COL15A1: variants seen among roughly 807,000 people sequenced by gnomAD.
The protein encoded by COL15A1 is collagen type XV alpha 1 chain, also known as collagen alpha-1(XV) chain.
Under a neutral mutation model 165.9 loss-of-function variants are expected in COL15A1, and 111 were observed. The observed-to-expected ratio is 0.67, with a 90% confidence interval of 0.57 to 0.78. COL15A1 has a LOEUF of 0.78. Among genes scored for constraint, COL15A1 ranks in the 30% least tolerant of loss-of-function variants. COL15A1 has a pLI of 0.00. For missense variants in COL15A1, 1,745 were observed against 1,789.7 expected (o/e 0.98, Z 0.45); for synonymous variants, 659 against 674.8 (o/e 0.98, Z 0.36).
chr9:99,008,485 A>T (rs7022881), intron 9 of COL15A1, among the ~76,000 whole-genome samples: 20,761 of 152,248 alleles, frequency 0.14, 1,433 homozygotes, highest in East Asian at 0.25. Flanking sequence ...TTACAAAAGA[A>T]AACAGATTGT....
intron 9 of COL15A1, among the ~76,000 whole-genome samples, chr9:99,012,821 C>T (rs537739872): frequency 2.0e-5 from 3 of 148,068 alleles, no homozygotes; most frequent in South Asian, 2.2e-4. Flanking sequence ...AAGTGATTCT[C>T]CTGCCTCAGC....
At position 99,044,740 on chromosome 9, in the gene COL15A1, A is replaced by G. The variant is rs781461256; in HGVS notation, c.2649A>G (p.Glu883=). ...PLERLMGKKG[E]PGMHGAPGPM... ...TATATATCTTCCTGTTTTAGGGTGA[A>G]CCTGGAATGCATGGAGCCCCAGGAC... The change falls in exon 26 of 42, where the codon GAA becomes GAG. Residue 883 remains glutamate, a synonymous_variant. Transcript: ENST00000375001. 6.2e-7 allele frequency: 1 copy of G among 1,613,926 alleles called. No homozygotes were observed. Among genetic ancestry groups the G allele is most frequent in the South Asian group, 1.1e-5 (1 of 91,066 alleles).
chr9:99,018,038 A>T (rs1325075431), intron 11 of COL15A1, among the ~76,000 whole-genome samples: 1 of 152,218 alleles, frequency 6.6e-6, no homozygotes, highest in Non-Finnish European at 1.5e-5. Flanking sequence ...CCTATCATTT[A>T]TTTAACTGGT....
At chr9:99,062,344 A>C in intron 38 of COL15A1, 40 bp downstream of exon 38, 2 of 1,457,622 alleles carry the variant, frequency 1.4e-6, no homozygotes, top group African/African-American at 2.8e-5. Context: ...GCATTCATTT[A>C]TCAGCATTTC....
chr9:99,062,344 A>G lies in COL15A1; in HGVS notation c.3591+40A>G, dbSNP rs1227413326. The G allele has an allele frequency of 5.5e-6, 8 of 1,457,504 alleles. No homozygotes were observed. In the African/African-American group the frequency reaches 9.7e-5, roughly 18 times the overall value. 90.3% of individuals were successfully genotyped at this position (1,457,504 alleles called of 1,614,324 possible). On this transcript the variant is annotated intron_variant, in intron 38 of 41. Coordinates refer to ENST00000375001, the MANE Select transcript of COL15A1 (RefSeq NM_001855.5). ...TGTTGGACTGCTCATGCATTCATTTATCAGCATTTCCTGAGTCCTCCTTGG... is the reference window on the plus strand; with the variant it reads ...TGTTGGACTGCTCATGCATTCATTTGTCAGCATTTCCTGAGTCCTCCTTGG...
At chr9:98,956,126 C>A (rs1166840509) in intron 2 of COL15A1, among the ~76,000 whole-genome samples, 1 of 152,258 alleles carries the variant, frequency 6.6e-6, no homozygotes, top group East Asian at 1.9e-4. Flanking sequence ...GCCAACATGA[C>A]AAAATCTTGC....
chr9:99,066,599 G>GTTTTTTTTTT lies in COL15A1; in HGVS notation c.3652-267_3652-258dup, dbSNP rs67961829. ...TTTGGTCCAAGCAATATTTTGTTCT[G>GTTTTTTTTTT]TTTTTTTTTTTTTTTTTTTTTTTTT... is the stretch of plus-strand genomic sequence containing the variant. On this transcript the variant is annotated intron_variant, in intron 39 of 41. Coordinates refer to ENST00000375001, the MANE Select transcript of COL15A1 (RefSeq NM_001855.5). Among the ~76,000 whole-genome samples the GTTTTTTTTTT allele has an allele frequency of 6.9e-4, 49 of 71,030 alleles. 3 individuals are homozygous for GTTTTTTTTTT. The highest frequency in any genetic ancestry group is 4.4e-3 in the South Asian group (8 of 1,820). 46.6% of individuals were successfully genotyped at this position (71,030 alleles called of 152,430 possible).
At position 99,068,699 on chromosome 9, in the gene COL15A1, G is replaced by A. The variant is rs746731416; in HGVS notation, c.3953+29G>A. ...AGTGAGGGTGGAAGTTCTCAGATAT[G>A]GTGTGATAGATAGTTTTAGGGGGCA... On this transcript the variant is annotated intron_variant, in intron 41 of 41. Transcript: ENST00000375001. 1.1e-5 allele frequency: 14 copies of A among 1,303,240 alleles called. 1 individual carries two copies. In the East Asian group the frequency reaches 3.4e-4, roughly 32 times the overall value. 80.7% of individuals were successfully genotyped at this position (1,303,240 alleles called of 1,614,324 possible).
chr9:99,034,944 C>T (rs1839271821), intron 17 of COL15A1, 70 bp from the exon 18 acceptor site: 3 of 1,288,714 alleles, frequency 2.3e-6, no homozygotes, highest in South Asian at 1.2e-5. Context: ...TTTTCTGATT[C>T]AGGCATGCAT....
In COL15A1 at chr9:98,989,160, C is replaced by T. The variant is rs930595463; in HGVS notation, c.724-18C>T. 1.2e-6 allele frequency: 2 copies of T among 1,604,912 alleles called. No individual in the cohort carries two copies. Among genetic ancestry groups the T allele is most frequent in the East Asian group, 2.2e-5 (1 of 44,810 alleles). On this transcript the variant is annotated intron_variant, in intron 4 of 41. Transcript: ENST00000375001. ...TGCCCGCTCTGCCCGGTGTGTGGCA[C>T]AGTTTGTCTCCACACAGGCATCTGG... is the stretch of plus-strand genomic sequence containing the variant.
chr9:99,011,406 GAAA>G (rs774837414), intron 9 of COL15A1, among the ~76,000 whole-genome samples: 1 of 46,874 alleles, frequency 2.1e-5, no homozygotes, highest in Non-Finnish European at 4.3e-5. Context: ...CCCTCTTTCT[GAAA>G]AAAAAAAAAA....
At chr9:99,037,271 T>G (rs1050270158) in intron 21 of COL15A1, among the ~76,000 whole-genome samples, 4 of 152,230 alleles carry the variant, frequency 2.6e-5, no homozygotes, top group Non-Finnish European at 5.9e-5. Flanking sequence ...CTTCTCTGTA[T>G]CCCCACCACT....
At chr9:99,008,692 C>G (rs11515534) in intron 9 of COL15A1, among the ~76,000 whole-genome samples, 16,284 of 152,230 alleles carry the variant, frequency 0.11, 1,041 homozygotes, top group East Asian at 0.25. Context: ...TCACTGCAAC[C>G]TCTGCCTCCT....
In COL15A1 at chr9:99,015,519, C is replaced by T. The variant is rs1319995139; in HGVS notation, c.1456C>T (p.Leu486=). The change falls in exon 10 of 42, where the codon CTG becomes TTG. Residue 486 remains leucine, a synonymous_variant. Transcript: ENST00000375001. Reference sequence around the variant, plus strand: ...AGCCAGTGGGGTCCCCACAGATGGCCTGGCTCCCCTCACAGCCACCATGGC... The same window carrying T: ...AGCCAGTGGGGTCCCCACAGATGGCTTGGCTCCCCTCACAGCCACCATGGC... ...EEASGVPTDG[L]APLTATMAPE... 1 of 1,613,670 alleles carries T rather than the reference C, an allele frequency of 6.2e-7. No individual in the cohort carries two copies. The highest frequency in any genetic ancestry group is 8.5e-7 in the Non-Finnish European group (1 of 1,179,882).
At position 99,039,583 on chromosome 9, in the gene COL15A1, C is replaced by T. The variant is rs538198853; in HGVS notation, c.2475+850C>T. On this transcript the variant is annotated intron_variant, in intron 22 of 41. Transcript: ENST00000375001. ...GCAGAGTTGACTCATGGCACAATGG[C>T]CCTAAGATGAAGGAAGCTTCCTCCT... Among the ~76,000 whole-genome samples the T allele has an allele frequency of 1.4e-4, 22 of 152,268 alleles. No individual in the cohort carries two copies. The South Asian group carries it at 4.6e-3, about 32-fold the overall frequency.
chr9:98,985,897 G>A lies in COL15A1; in HGVS notation c.433G>A (p.Val145Met), dbSNP rs1186553489. 8 of 1,613,806 alleles carry A rather than the reference G, an allele frequency of 5.0e-6. No homozygotes were observed. The South Asian group carries it at 6.6e-5, about 13-fold the overall frequency. ...ILYYTEPGSH[V>M]SQEAAAFSVP... The stretch of plus-strand genomic sequence containing the variant: ...CTACTACACGGAGCCAGGCTCCCAT[G>A]TGTCCCAAGAGGCTGCTGCCTTCTC... The change falls in exon 3 of 42, where the codon GTG (valine) becomes ATG (methionine). Residue 145 changes from valine to methionine, a missense_variant. By Grantham distance (21) the Val-to-Met change is conservative. Transcript: ENST00000375001.
intron 16 of COL15A1, among the ~76,000 whole-genome samples, chr9:99,029,335 C>T (rs536941796): frequency 6.6e-6 from 1 of 152,216 alleles, no homozygotes; most frequent in Non-Finnish European, 1.5e-5. Flanking sequence ...AGCTGCCAAA[C>T]TGTCATTGTA....
intron 35 of COL15A1, among the ~76,000 whole-genome samples, chr9:99,057,940 G>A (rs1434762029): frequency 6.6e-6 from 1 of 152,104 alleles, no homozygotes; most frequent in Non-Finnish European, 1.5e-5. Context: ...ACTCAAAGTA[G>A]CTCAAGCAAA....
chr9:98,968,382 G>A (rs1165516139), intron 2 of COL15A1, among the ~76,000 whole-genome samples: 2 of 152,042 alleles, frequency 1.3e-5, no homozygotes, highest in Non-Finnish European at 2.9e-5. Context: ...GGAGGTGTGT[G>A]GGCTGGGTGG....
Sources: gnomAD v4.1 joint callset for allele counts (sites outside exome capture counted in the v4.1 genomes callset) on GRCh38, gnomAD v4.1.1 for gene constraint, MANE v1.5 for transcripts, NCBI Gene and HGNC (gene_info 2026-07-23, HGNC 2026-07-21) for gene names.